The following RBM39 variants were observed in gnomAD, a reference collection of about 807,000 sequenced individuals.
RBM39 encodes the protein RNA binding motif protein 39.
A neutral mutation model predicts 79.6 loss-of-function variants in RBM39; 12 were observed. The ratio of observed to expected loss-of-function variants is 0.15; its 90% CI spans 0.10 to 0.24. The LOEUF is 0.24. RBM39 is among the 10% of genes least tolerant of loss of function. The probability of loss-of-function intolerance (pLI) is 1.00; values close to 1 mark genes in which losing one functional copy is unlikely to be tolerated. For synonymous variants in RBM39, 185 were observed against 208.4 expected (o/e 0.89, Z 0.97); for missense variants, 243 against 653.4 (o/e 0.37, Z 6.85).
At chr20:35,724,838 T>C in intron 7 of RBM39, 116 bp from the exon 8 acceptor site, 1 of 1,275,392 alleles carries the variant, frequency 7.8e-7, no homozygotes, top group Admixed American at 2.3e-5. Context: ...AAAAAGTAAA[T>C]CTGTAGGACA....
At chr20:35,735,370 T>C (rs1402410942) in intron 3 of RBM39, among the ~76,000 whole-genome samples, 2 of 152,224 alleles carry the variant, frequency 1.3e-5, no homozygotes, top group African/African-American at 2.4e-5. Context: ...CCAGTCTGTG[T>C]CACAATAACT....
At chr20:35,735,792 CA>C (rs2039841767) in intron 3 of RBM39, among the ~76,000 whole-genome samples, 1 of 152,178 alleles carries the variant, frequency 6.6e-6, no homozygotes, top group East Asian at 1.9e-4. Context: ...TTAAGATTAC[CA>C]AAGTGTTTTG....
chr20:35,719,806 CT>C (rs1204617206), intron 9 of RBM39, among the ~76,000 whole-genome samples: 4 of 152,042 alleles, frequency 2.6e-5, no homozygotes, highest in Non-Finnish European at 5.9e-5. Context: ...TATTCTTTTT[CT>C]TTTCTTTCGG....
intron 1 of RBM39, 150 bp from the exon 2 acceptor site, chr20:35,741,037 T>TTTTTTTC (rs1220899207): frequency 2.8e-5 from 12 of 421,484 alleles, no homozygotes; most frequent in Non-Finnish European, 3.2e-5. Context: ...TTTCTTTTTT[T>TTTTTTTC]TTTTTTTTTT....
At chr20:35,716,457 C>A (rs1300787353) in intron 10 of RBM39, among the ~76,000 whole-genome samples, 2 of 152,184 alleles carry the variant, frequency 1.3e-5, no homozygotes, top group South Asian at 2.1e-4. Context: ...TTCTACTATG[C>A]AACTTGGATC....
Position 35,724,651 on chromosome 20 carries a change from G to A in RBM39, c.606C>T (p.Val202=), listed in dbSNP as rs771075927. The A allele has an allele frequency of 2.3e-5, 37 of 1,613,902 alleles. 2 individuals are homozygous for A. The South Asian group carries it at 3.2e-4, about 14-fold the overall frequency. ...RSKGIAYVEF[V]DVSSVPLAIG... ...TTGCTAGAGGCACTGAGCTAACATC[G>A]ACGAACTCCACATAAGCAATTCCTT... The change falls in exon 8 of 17, where the codon GTC becomes GTT. Residue 202 remains valine (V), a synonymous_variant. Coordinates refer to ENST00000253363, the MANE Select transcript of RBM39 (RefSeq NM_184234.3).
chr20:35,729,101 A>G (rs1195905506), intron 6 of RBM39, among the ~76,000 whole-genome samples: 1 of 151,954 alleles, frequency 6.6e-6, no homozygotes. Context: ...ATAAATAAAT[A>G]AATATATAAC....
intron 10 of RBM39, among the ~76,000 whole-genome samples, 178 bp downstream of exon 10, chr20:35,716,562 G>A (rs2037159112): frequency 1.3e-5 from 2 of 151,950 alleles, no homozygotes; most frequent in Admixed American, 6.6e-5. Flanking sequence ...ATTACCCTTT[G>A]TTGTGAAAAA....
chr20:35,718,605 A>G (rs1187546880), intron 9 of RBM39, among the ~76,000 whole-genome samples: 1 of 152,092 alleles, frequency 6.6e-6, no homozygotes, highest in East Asian at 1.9e-4. Flanking sequence ...AGAGGTCAGG[A>G]GTTTGAGACC....
At chr20:35,734,510 T>G (rs1227085575) in intron 3 of RBM39, 1 of 212,648 alleles carries the variant, frequency 4.7e-6, no homozygotes, top group African/African-American at 2.3e-5. Flanking sequence ...AGGTAAAAAG[T>G]AACTCCATCC....
chr20:35,709,834 G>A (rs1172618568), intron 12 of RBM39, among the ~76,000 whole-genome samples: 3 of 152,022 alleles, frequency 2.0e-5, no homozygotes, highest in Admixed American at 2.0e-4. Flanking sequence ...GATTTAACTT[G>A]TCAAATCTAG....
rs1047718732 is a variant in RBM39, at chr20:35,704,277, G to C, written c.*204C>G. 9 of 443,826 alleles carry C rather than the reference G, an allele frequency of 2.0e-5. No individual in the cohort carries two copies. The highest frequency in any genetic ancestry group is 3.0e-5 in the South Asian group (1 of 33,324). The allele number at this position is 443,826 out of a possible 1,614,324, so 27.5% of individuals were successfully genotyped here. On this transcript the variant is annotated 3_prime_UTR_variant, in exon 17 of 17. Transcript: ENST00000253363. Reference sequence around the variant, plus strand: ...TTTTAAAAGGCAGAACAAGAGAACAGTTTTGTATACAGTGGGATTTACTAT... The same window carrying C: ...TTTTAAAAGGCAGAACAAGAGAACACTTTTGTATACAGTGGGATTTACTAT...
chr20:35,718,935 C>T (rs188757014), intron 9 of RBM39, among the ~76,000 whole-genome samples: 3 of 151,808 alleles, frequency 2.0e-5, no homozygotes, highest in African/African-American at 7.3e-5. Context: ...AGCTATCGCA[C>T]TCCAGCCTGG....
intron 14 of RBM39, 114 bp from the exon 15 acceptor site, chr20:35,705,444 A>G: frequency 1.5e-6 from 1 of 647,290 alleles, no homozygotes; most frequent in Non-Finnish European, 2.5e-6. Context: ...CTTTGGAAAA[A>G]AAGCACATTG....
chr20:35,731,460 T>C (rs2039357783), intron 4 of RBM39: 1 of 153,150 alleles, frequency 6.5e-6, no homozygotes, highest in Non-Finnish European at 1.4e-5. Context: ...AATTCACAAC[T>C]GGCCTGACAT....
intron 11 of RBM39, chr20:35,713,363 T>C (rs1323176637): frequency 6.9e-6 from 2 of 289,742 alleles, no homozygotes; most frequent in Admixed American, 4.8e-5. Flanking sequence ...CAGGCTCTTG[T>C]TGCACAGGCT....
chr20:35,722,432 A>G (rs961989208), intron 8 of RBM39, among the ~76,000 whole-genome samples: 2 of 146,740 alleles, frequency 1.4e-5, no homozygotes, highest in African/African-American at 5.1e-5. Flanking sequence ...AAAAAAAAAA[A>G]TAAAAATAAA....
At chr20:35,740,530 G>T (rs2040401814) in intron 2 of RBM39, 1 of 1,357,988 alleles carries the variant, frequency 7.4e-7, no homozygotes, top group African/African-American at 1.5e-5. Context: ...ACTACCTTAT[G>T]ATTGACAGTT....
At chr20:35,716,088 CAG>C (rs1293499419) in intron 10 of RBM39, among the ~76,000 whole-genome samples, 13 of 151,490 alleles carry the variant, frequency 8.6e-5, no homozygotes, top group African/African-American at 3.2e-4. Context: ...TTTTTCAAGG[CAG>C]AGTCTTACTC....
Sources: gnomAD v4.1 joint callset for allele counts (sites outside exome capture counted in the v4.1 genomes callset) on GRCh38, gnomAD v4.1.1 for gene constraint, MANE v1.5 for transcripts, NCBI Gene and HGNC (gene_info 2026-07-23, HGNC 2026-07-21) for gene names.